NUP54: variants seen among roughly 807,000 people sequenced by gnomAD.
The protein encoded by NUP54 is nucleoporin 54.
Under a neutral mutation model 66.4 loss-of-function variants are expected in NUP54, and 27 were observed. That is an observed-to-expected ratio of 0.41 (90% CI 0.30 to 0.56). The LOEUF (loss-of-function observed/expected upper bound fraction) is 0.56. Ranked by LOEUF, NUP54 falls within the 20% of genes least tolerant of loss-of-function variation. The probability of loss-of-function intolerance (pLI) is 0.34; values close to 1 mark genes in which losing one functional copy is unlikely to be tolerated. For synonymous variants in NUP54, 206 were observed against 210.7 expected (o/e 0.98, Z 0.19); for missense variants, 486 against 596.3 (o/e 0.82, Z 1.93).
At chr4:76,128,191 CTTG>C (rs898421911) in intron 8 of NUP54, among the ~76,000 whole-genome samples, 26 of 152,114 alleles carry the variant, frequency 1.7e-4, no homozygotes, top group African/African-American at 5.5e-4. Flanking sequence ...TGGGTAATTC[CTTG>C]TTGTGGGAGT....
At position 76,131,264 on chromosome 4, in the gene NUP54, C is replaced by G. The variant is rs1247482193; in HGVS notation, c.928G>C (p.Glu310Gln). The change falls in exon 7 of 12, where the codon GAA (glutamate) becomes CAA (glutamine). Residue 310 changes from glutamate to glutamine, a missense_variant. Glu to Gln is a conservative substitution (Grantham distance 29, BLOSUM62 2). This residue lies in a region of NUP54 where 217 missense variants were observed against 247.9 expected (regional missense o/e 0.88). Transcript: ENST00000264883. ...PPAGVDPIIWEQAKVDNPDSE... is the reference protein window; with the variant it reads ...PPAGVDPIIWQQAKVDNPDSE... The stretch of plus-strand genomic sequence containing the variant: ...TCAGGGTTATCTACCTTGGCCTGTT[C>G]CCAGATAATAGGATCAACACCTACC... 1.3e-6 allele frequency: 2 copies of G among 1,592,986 alleles called. No individual in the cohort carries two copies. The highest frequency in any genetic ancestry group is 1.1e-5 in the South Asian group (1 of 88,244).
chr4:76,126,679 A>G (rs1186100677), intron 8 of NUP54, among the ~76,000 whole-genome samples: 1 of 141,318 alleles, frequency 7.1e-6, no homozygotes, highest in Non-Finnish European at 1.6e-5. Context: ...AATTGATCCA[A>G]GAAAGAACGC....
intron 6 of NUP54, 84 bp from the exon 7 acceptor site, chr4:76,131,368 C>T: frequency 1.4e-6 from 1 of 727,810 alleles, no homozygotes; most frequent in East Asian, 3.0e-5. Flanking sequence ...TAAAGCAAGA[C>T]CCTATACCTA....
At chr4:76,118,880 C>T (rs535677513) in intron 9 of NUP54, among the ~76,000 whole-genome samples, 1 of 152,072 alleles carries the variant, frequency 6.6e-6, no homozygotes, top group Admixed American at 6.5e-5. Flanking sequence ...TGGTGCACGC[C>T]TGTAGTCCCA....
chr4:76,147,196 T>C (rs1009393319), intron 1 of NUP54, among the ~76,000 whole-genome samples: 7 of 151,234 alleles, frequency 4.6e-5, no homozygotes, highest in Middle Eastern at 3.2e-3. Flanking sequence ...TTGGAAGTCC[T>C]ACCTAATAAT....
chr4:76,146,336 A>T (rs1338538937), intron 1 of NUP54, among the ~76,000 whole-genome samples: 1 of 152,240 alleles, frequency 6.6e-6, no homozygotes, highest in Non-Finnish European at 1.5e-5. Flanking sequence ...ATTCAGAAAC[A>T]CAAATTTCAA....
chr4:76,136,369 C>A lies in NUP54; in HGVS notation c.339G>T (p.Gln113His). The A allele has an allele frequency of 6.2e-7, 1 of 1,614,096 alleles. No individual in the cohort carries two copies. Among genetic ancestry groups the A allele is most frequent in the South Asian group, 1.1e-5 (1 of 91,078 alleles). Residue 113 changes from glutamine (Q) to histidine (H), a missense_variant, in exon 4 of 12, where the codon CAG (glutamine) becomes CAT (histidine). Coordinates refer to ENST00000264883, the MANE Select transcript of NUP54 (RefSeq NM_017426.4). ...TCGCAGTATTTATCAGCTGGTTGGA[C>A]TGGGTAGGAGCTTGTGTAGGCTGAC... Reference protein sequence around the residue: ...LFSQPTQAPTQSNQLINTASA... With the variant: ...LFSQPTQAPTHSNQLINTASA...
At chr4:76,147,352 C>G (rs1480128831) in intron 1 of NUP54, 1 of 541,930 alleles carries the variant, frequency 1.8e-6, no homozygotes, top group African/African-American at 2.0e-5. Context: ...GTTTTTGATT[C>G]GAGATAAGGA....
Position 76,119,254 on chromosome 4 carries a change from T to C in NUP54, c.1165-1060A>G, listed in dbSNP as rs189679003. On this transcript the variant is annotated intron_variant, in intron 9 of 11. Coordinates refer to ENST00000264883, the MANE Select transcript of NUP54 (RefSeq NM_017426.4). ...TTTTCTCTCATACCCCCAAGACAAA[T>C]AGTGCTAACTGATGTTTATTCCCCT... Among the ~76,000 whole-genome samples, 392 of 152,186 alleles carry C rather than the reference T, an allele frequency of 2.6e-3. 2 individuals are homozygous for C. The highest frequency in any genetic ancestry group is 4.2e-3 in the Non-Finnish European group (286 of 67,990).
intron 3 of NUP54, among the ~76,000 whole-genome samples, chr4:76,141,926 G>T (rs781517372): frequency 6.6e-6 from 1 of 151,914 alleles, no homozygotes; most frequent in Non-Finnish European, 1.5e-5. Flanking sequence ...GGTCCCAAAG[G>T]CATTATACTC....
chr4:76,139,217 C>T (rs1356051787), intron 3 of NUP54, among the ~76,000 whole-genome samples: 1 of 152,104 alleles, frequency 6.6e-6, no homozygotes, highest in Non-Finnish European at 1.5e-5. Context: ...CAATGATCAT[C>T]AAGGAATGAA....
intron 3 of NUP54, among the ~76,000 whole-genome samples, chr4:76,137,764 G>T (rs916953908): frequency 4.6e-5 from 7 of 152,104 alleles, no homozygotes; most frequent in African/African-American, 1.4e-4. Flanking sequence ...GCAAGTCTAA[G>T]GCTCAGAGCT....
chr4:76,148,253 G>A, intron 1 of NUP54, 55 bp downstream of exon 1: 1 of 1,194,356 alleles, frequency 8.4e-7, no homozygotes, highest in South Asian at 2.7e-5. Flanking sequence ...GGACAGAGGG[G>A]GCGGACCAGA....
intron 9 of NUP54, 21 bp downstream of exon 9, chr4:76,124,628 G>T: frequency 8.9e-7 from 1 of 1,124,770 alleles, no homozygotes; most frequent in Non-Finnish European, 1.3e-6. Context: ...AAACACTGGG[G>T]GGGAAAATCC....
intron 1 of NUP54, chr4:76,145,868 A>G (rs1214225832): frequency 7.4e-6 from 2 of 271,052 alleles, no homozygotes; most frequent in African/African-American, 2.3e-5. Context: ...TCTGATTTGG[A>G]AAACTACTCA....
chr4:76,126,780 A>G (rs1480622544), intron 8 of NUP54, among the ~76,000 whole-genome samples: 2 of 152,232 alleles, frequency 1.3e-5, no homozygotes, highest in Non-Finnish European at 2.9e-5. Flanking sequence ...CATGGATGAA[A>G]TGATTTAATA....
intron 8 of NUP54, among the ~76,000 whole-genome samples, chr4:76,126,113 GAGT>G (rs1313684606): frequency 2.0e-5 from 3 of 152,098 alleles, no homozygotes; most frequent in Non-Finnish European, 4.4e-5. Flanking sequence ...TACTTGGAGG[GAGT>G]AATCAGAGTG....
chr4:76,147,630 C>T (rs995463972), intron 1 of NUP54: 2 of 1,289,350 alleles, frequency 1.6e-6, no homozygotes, highest in Admixed American at 2.3e-5. Context: ...CAGTCTCAAG[C>T]CCACCAAATC....
chr4:76,145,008 G>A (rs1378467131), intron 1 of NUP54, among the ~76,000 whole-genome samples: 1 of 152,130 alleles, frequency 6.6e-6, no homozygotes, highest in Non-Finnish European at 1.5e-5. Context: ...AGGAAATCTG[G>A]ATTTTCTATG....
Sources: allele counts gnomAD v4.1 joint callset (sites outside exome capture counted in the v4.1 genomes callset), GRCh38; gene constraint gnomAD v4.1.1; regional missense constraint gnomAD v4.1.1; transcripts MANE v1.5; gene names NCBI Gene and HGNC (gene_info 2026-07-23, HGNC 2026-07-21).